The following SH3GL2 variants were observed in gnomAD, a reference collection of about 807,000 sequenced individuals.
SH3GL2 encodes the protein endophilin-A1.
Under a neutral mutation model 46.0 loss-of-function variants are expected in SH3GL2, and 24 were observed. That is an observed-to-expected ratio of 0.52 (90% CI 0.38 to 0.73). The LOEUF (loss-of-function observed/expected upper bound fraction) is 0.73. SH3GL2 is among the 30% of genes least tolerant of loss of function. The pLI, the probability that SH3GL2 is intolerant of heterozygous loss-of-function variation, is 0.00. For missense variants in SH3GL2, 413 were observed against 424.2 expected (o/e 0.97, Z 0.23); for synonymous variants, 196 against 147.1 (o/e 1.33, Z -2.40).
At chr9:17,662,088 C>A (rs763195390) in intron 1 of SH3GL2, among the ~76,000 whole-genome samples, 2 of 152,146 alleles carry the variant, frequency 1.3e-5, no homozygotes, top group Non-Finnish European at 2.9e-5. Flanking sequence ...GTGTATCTTG[C>A]TGAATATTCC....
At chr9:17,607,834 A>G (rs1346998010) in intron 1 of SH3GL2, among the ~76,000 whole-genome samples, 2 of 152,224 alleles carry the variant, frequency 1.3e-5, no homozygotes, top group Non-Finnish European at 2.9e-5. Flanking sequence ...AATGAAAATA[A>G]TGAATGGTAT....
At chr9:17,750,227 A>C (rs552743283) in intron 2 of SH3GL2, among the ~76,000 whole-genome samples, 1 of 152,208 alleles carries the variant, frequency 6.6e-6, no homozygotes, top group African/African-American at 2.4e-5. Flanking sequence ...GTTCCCAAGC[A>C]GACAGAAGAA....
At chr9:17,729,681 G>A (rs919469625) in intron 1 of SH3GL2, among the ~76,000 whole-genome samples, 5 of 152,056 alleles carry the variant, frequency 3.3e-5, no homozygotes, top group African/African-American at 1.2e-4. Flanking sequence ...CTGCATATGG[G>A]TAGCCAGTTT....
At chr9:17,622,986 G>GTTCCGTTCCTTTCCTTTCCTTTCC (rs1554631076) in intron 1 of SH3GL2, among the ~76,000 whole-genome samples, 8 of 99,412 alleles carry the variant, frequency 8.0e-5, no homozygotes, top group African/African-American at 2.6e-4. Context: ...GTTTCCTTTC[G>GTTCCGTTCCTTTCCTTTCCTTTCC]TTTCCTTTCC....
At chr9:17,625,666 C>A (rs1819264855) in intron 1 of SH3GL2, among the ~76,000 whole-genome samples, 1 of 152,200 alleles carries the variant, frequency 6.6e-6, no homozygotes, top group Non-Finnish European at 1.5e-5. Flanking sequence ...GGCACTTCTG[C>A]CTCTTTGTGC....
chr9:17,734,411 A>G (rs949698258), intron 1 of SH3GL2, among the ~76,000 whole-genome samples: 2 of 152,122 alleles, frequency 1.3e-5, no homozygotes, highest in Admixed American at 1.3e-4. Context: ...TTGACAAAGC[A>G]CTTACTCAAT....
intron 2 of SH3GL2, among the ~76,000 whole-genome samples, chr9:17,758,453 T>C (rs1180477001): frequency 1.3e-5 from 2 of 149,780 alleles, no homozygotes; most frequent in African/African-American, 4.9e-5. Context: ...TCCCAGCTTC[T>C]TGGGAAGCTG....
intron 2 of SH3GL2, among the ~76,000 whole-genome samples, chr9:17,748,169 T>G (rs751937994): frequency 6.6e-6 from 1 of 152,068 alleles, no homozygotes; most frequent in Non-Finnish European, 1.5e-5. Context: ...GCTTTTACTT[T>G]TCTTTTACTT....
chr9:17,737,668 C>G (rs1478065314), intron 1 of SH3GL2, among the ~76,000 whole-genome samples: 2 of 152,004 alleles, frequency 1.3e-5, no homozygotes, highest in Non-Finnish European at 2.9e-5. Flanking sequence ...CCTGATTATC[C>G]CTTTACTTTC....
At chr9:17,769,691 C>T (rs1245031749) in intron 3 of SH3GL2, among the ~76,000 whole-genome samples, 1 of 152,094 alleles carries the variant, frequency 6.6e-6, no homozygotes, top group East Asian at 1.9e-4. Flanking sequence ...CCTCTCATAC[C>T]TCCTTATATT....
At chr9:17,684,611 C>T (rs1820857295) in intron 1 of SH3GL2, among the ~76,000 whole-genome samples, 1 of 151,918 alleles carries the variant, frequency 6.6e-6, no homozygotes, top group African/African-American at 2.4e-5. Context: ...CATAAGAAAT[C>T]CAATAAGCTC....
intron 1 of SH3GL2, among the ~76,000 whole-genome samples, chr9:17,623,692 A>C (rs1054793565): frequency 2.1e-5 from 3 of 141,122 alleles, no homozygotes; most frequent in Middle Eastern, 6.9e-3. Flanking sequence ...ATTTAACCCT[A>C]TTTATAATTT....
intron 1 of SH3GL2, among the ~76,000 whole-genome samples, chr9:17,609,346 G>A (rs1350290724): frequency 6.6e-6 from 1 of 151,994 alleles, no homozygotes; most frequent in African/African-American, 2.4e-5. Flanking sequence ...ATGCTCTTGT[G>A]TTTAAGCAGA....
chr9:17,773,348 C>CAT (rs1432902428), intron 3 of SH3GL2, among the ~76,000 whole-genome samples: 1 of 152,076 alleles, frequency 6.6e-6, no homozygotes, highest in East Asian at 1.9e-4. Context: ...TTTGTTGTTG[C>CAT]ATATGCCTTT....
At chr9:17,741,942 T>A (rs1407420086) in intron 1 of SH3GL2, among the ~76,000 whole-genome samples, 1 of 151,908 alleles carries the variant, frequency 6.6e-6, no homozygotes. Flanking sequence ...TTTTTGGCAA[T>A]TGGTAGAATT....
chr9:17,720,653 A>G (rs1485882010), intron 1 of SH3GL2, among the ~76,000 whole-genome samples: 4 of 150,028 alleles, frequency 2.7e-5, no homozygotes, highest in Non-Finnish European at 5.9e-5. Context: ...CTGAACCTAA[A>G]TTATATAAGG....
At chr9:17,669,625 G>T (rs965355055) in intron 1 of SH3GL2, among the ~76,000 whole-genome samples, 1 of 152,182 alleles carries the variant, frequency 6.6e-6, no homozygotes, top group Admixed American at 6.5e-5. Flanking sequence ...GTAGTGTATG[G>T]TATGGATGGA....
intron 1 of SH3GL2, among the ~76,000 whole-genome samples, chr9:17,683,249 T>C (rs139143120): frequency 1.4e-3 from 208 of 152,222 alleles, no homozygotes; most frequent in African/African-American, 4.7e-3. Context: ...GGCAGTTCTC[T>C]ACAGACCTCA....
intron 1 of SH3GL2, among the ~76,000 whole-genome samples, chr9:17,617,936 T>C (rs945867501): frequency 6.6e-6 from 1 of 152,142 alleles, no homozygotes; most frequent in African/African-American, 2.4e-5. Context: ...TCGTGTTGTA[T>C]TGTGGGACAA....
Sources: allele counts gnomAD v4.1 joint callset (sites outside exome capture counted in the v4.1 genomes callset), GRCh38; gene constraint gnomAD v4.1.1; transcripts MANE v1.5; gene names NCBI Gene and HGNC (gene_info 2026-07-23, HGNC 2026-07-21).